The following CEP112 variants were observed in gnomAD, a reference collection of about 807,000 sequenced individuals.
The protein encoded by CEP112 is centrosomal protein 112.
A neutral mutation model predicts 153.0 loss-of-function variants in CEP112; 127 were observed. That is an observed-to-expected ratio of 0.83 (90% CI 0.72 to 0.96). The LOEUF is 0.96. Among genes scored for constraint, CEP112 ranks in the 40% least tolerant of loss-of-function variants. CEP112 has a pLI of 0.00. For synonymous variants in CEP112, 358 were observed against 374.4 expected (o/e 0.96, Z 0.51); for missense variants, 1,089 against 1,101.2 (o/e 0.99, Z 0.16).
intron 12 of CEP112, among the ~76,000 whole-genome samples, chr17:66,044,861 T>A (rs1472603511): frequency 6.6e-6 from 1 of 152,124 alleles, no homozygotes; most frequent in Non-Finnish European, 1.5e-5. Flanking sequence ...TCATGTTACG[T>A]CTATTCAATA....
At chr17:65,743,796 T>C (rs2051274024) in intron 22 of CEP112, among the ~76,000 whole-genome samples, 1 of 152,030 alleles carries the variant, frequency 6.6e-6, no homozygotes, top group South Asian at 2.1e-4. Flanking sequence ...AGTTTCGTTC[T>C]TGTTGCCCAG....
At chr17:66,044,497 CAT>C (rs1315958345) in intron 12 of CEP112, among the ~76,000 whole-genome samples, 6 of 152,128 alleles carry the variant, frequency 3.9e-5, no homozygotes, top group African/African-American at 9.7e-5. Context: ...AATGGACACA[CAT>C]GTGGTATATG....
intron 17 of CEP112, among the ~76,000 whole-genome samples, chr17:65,993,848 G>C (rs1457713102): frequency 1.3e-5 from 2 of 152,070 alleles, no homozygotes; most frequent in Non-Finnish European, 2.9e-5. Flanking sequence ...TTAGGGGCTT[G>C]GGAGGGAGGC....
At chr17:65,740,034 A>G (rs1452115935) in intron 23 of CEP112, among the ~76,000 whole-genome samples, 1 of 152,264 alleles carries the variant, frequency 6.6e-6, no homozygotes, top group Non-Finnish European at 1.5e-5. Context: ...GATATCCATT[A>G]GTAAAATTTT....
chr17:66,004,986 T>C (rs953145483), intron 17 of CEP112, among the ~76,000 whole-genome samples: 7 of 152,206 alleles, frequency 4.6e-5, no homozygotes, highest in Non-Finnish European at 8.8e-5. Flanking sequence ...TTGCCAAATG[T>C]CTTGAATATT....
chr17:66,048,504 T>A (rs892915150), intron 12 of CEP112, among the ~76,000 whole-genome samples: 3 of 152,236 alleles, frequency 2.0e-5, no homozygotes, highest in Admixed American at 1.3e-4. Context: ...GATTAAGGCC[T>A]CAATGTTAAA....
At chr17:66,064,888 T>A (rs1403387204) in intron 10 of CEP112, among the ~76,000 whole-genome samples, 3 of 152,214 alleles carry the variant, frequency 2.0e-5, no homozygotes, top group Non-Finnish European at 2.9e-5. Flanking sequence ...AATTTATAAT[T>A]GCTTTTACCA....
chr17:65,787,015 A>G (rs1229677886), intron 21 of CEP112, among the ~76,000 whole-genome samples: 1 of 152,208 alleles, frequency 6.6e-6, no homozygotes, highest in East Asian at 1.9e-4. Context: ...TCATCTATAT[A>G]TATCAATATA....
intron 20 of CEP112, among the ~76,000 whole-genome samples, chr17:65,901,745 A>G (rs920690520): frequency 3.9e-5 from 6 of 152,218 alleles, no homozygotes; most frequent in Non-Finnish European, 8.8e-5. Flanking sequence ...AGCAAATATT[A>G]AAACAGCTGC....
In CEP112 at chr17:66,192,094, T is replaced by G. The variant is rs2073182778; in HGVS notation, c.-106A>C. On this transcript the variant is annotated 5_prime_UTR_variant, in exon 1 of 27. Transcript: ENST00000535342. ...ACGGTTTCAAATCCTTGCGGGCCGCTGGGTCGCCGCCGCCCAGCAGCCCGG... is the reference window on the plus strand; with the variant it reads ...ACGGTTTCAAATCCTTGCGGGCCGCGGGGTCGCCGCCGCCCAGCAGCCCGG... 6.5e-6 allele frequency: 1 copy of G among 153,146 alleles called. No homozygotes were observed. Among genetic ancestry groups the G allele is most frequent in the South Asian group, 1.8e-4 (1 of 5,670 alleles). 9.5% of individuals were successfully genotyped at this position (153,146 alleles called of 1,614,324 possible). A position where few individuals can be genotyped will look rare whatever the true frequency, so the allele number is the denominator to read the frequency against.
intron 20 of CEP112, among the ~76,000 whole-genome samples, chr17:65,893,174 A>C (rs1225169661): frequency 6.6e-6 from 1 of 152,052 alleles, no homozygotes; most frequent in Admixed American, 6.6e-5. Flanking sequence ...AACGACACAC[A>C]CACTCCTCGA....
At chr17:66,031,833 C>A (rs1408715529) in intron 12 of CEP112, among the ~76,000 whole-genome samples, 1 of 152,042 alleles carries the variant, frequency 6.6e-6, no homozygotes, top group African/African-American at 2.4e-5. Flanking sequence ...GATGAGGCAT[C>A]ATCCTGTAAG....
At chr17:65,970,701 T>C (rs568047469) in intron 17 of CEP112, among the ~76,000 whole-genome samples, 1 of 125,352 alleles carries the variant, frequency 8.0e-6, no homozygotes, top group African/African-American at 2.8e-5. Flanking sequence ...GCATATTACA[T>C]GCATACACAT....
chr17:65,844,870 C>A (rs60901658), intron 21 of CEP112, among the ~76,000 whole-genome samples: 3 of 151,422 alleles, frequency 2.0e-5, no homozygotes, highest in Admixed American at 1.3e-4. Context: ...AAAAATTAGC[C>A]GGGCATGGTG....
At chr17:66,178,747 T>A (rs1251005882) in intron 2 of CEP112, among the ~76,000 whole-genome samples, 1 of 152,144 alleles carries the variant, frequency 6.6e-6, no homozygotes, top group East Asian at 1.9e-4. Context: ...GAGACAAGGG[T>A]CTAGTTTCAT....
Position 65,774,086 on chromosome 17 carries a change from CA to C in CEP112, c.2395-23363del, listed in dbSNP as rs10647121. On this transcript the variant is annotated intron_variant, in intron 21 of 26. Coordinates refer to ENST00000535342, the MANE Select transcript of CEP112 (RefSeq NM_001199165.4). ...TGGGTGACAAAGTGAGGCTCCATCT[CA>C]AAAAAAAAAAAAAAGTCCATTTTTG... Among the ~76,000 whole-genome samples the C allele has an allele frequency of 9.3e-4, 117 of 125,554 alleles. 1 individual carries two copies. The highest frequency in any genetic ancestry group is 4.3e-3 in the Middle Eastern group (1 of 230). 82.4% of individuals were successfully genotyped at this position (125,554 alleles called of 152,430 possible). A position where few individuals can be genotyped will look rare whatever the true frequency, so the allele number is the denominator to read the frequency against.
chr17:65,765,649 G>A (rs1054131644), intron 21 of CEP112, among the ~76,000 whole-genome samples: 4 of 152,018 alleles, frequency 2.6e-5, no homozygotes, highest in Non-Finnish European at 5.9e-5. Context: ...GACCCCAAGA[G>A]CCTGTGCTAC....
intron 8 of CEP112, among the ~76,000 whole-genome samples, chr17:66,074,672 G>A (rs1426826577): frequency 6.6e-6 from 1 of 152,070 alleles, no homozygotes; most frequent in Admixed American, 6.6e-5. Context: ...AGGCCATCCT[G>A]GCCAACATGG....
chr17:66,182,624 G>A (rs1598513352), intron 2 of CEP112, among the ~76,000 whole-genome samples: 1 of 152,220 alleles, frequency 6.6e-6, no homozygotes, highest in East Asian at 1.9e-4. Context: ...CTCCCCAATT[G>A]TTCTCTAGTG....
Sources: gnomAD v4.1 joint callset for allele counts (sites outside exome capture counted in the v4.1 genomes callset) on GRCh38, gnomAD v4.1.1 for gene constraint, MANE v1.5 for transcripts, NCBI Gene and HGNC (gene_info 2026-07-23, HGNC 2026-07-21) for gene names.